Variants in SDK1 observed in about 807,000 individuals in gnomAD.
SDK1 encodes protein sidekick-1.
A neutral mutation model predicts 245.5 loss-of-function variants in SDK1; 157 were observed. The ratio of observed to expected loss-of-function variants is 0.64; its 90% CI spans 0.56 to 0.73. The LOEUF (loss-of-function observed/expected upper bound fraction) is 0.73, where lower values mean the gene tolerates loss of function less well. Ranked by LOEUF, SDK1 falls within the 30% of genes least tolerant of loss-of-function variation. The pLI is 0.00. For missense variants in SDK1, 3,583 were observed against 3,002.3 expected, an observed-to-expected ratio of 1.19 and a Z score of -4.52; for synonymous variants, 1,647 against 1,278.5, an observed-to-expected ratio of 1.29 and a Z score of -6.15.
intron 14 of SDK1, among the ~76,000 whole-genome samples, chr7:4,002,685 T>C (rs1785161506): frequency 1.3e-5 from 2 of 152,166 alleles, no homozygotes; most frequent in Non-Finnish European, 2.9e-5. Context: ...CACAAATACA[T>C]ATACACACAA....
At chr7:3,761,727 C>T (rs896292596) in intron 4 of SDK1, among the ~76,000 whole-genome samples, 2 of 151,834 alleles carry the variant, frequency 1.3e-5, no homozygotes, top group Non-Finnish European at 2.9e-5. Flanking sequence ...TATGCAAGTA[C>T]TGCAGTGACT....
intron 4 of SDK1, among the ~76,000 whole-genome samples, chr7:3,818,849 C>A (rs2115057048): frequency 6.6e-6 from 1 of 152,264 alleles, no homozygotes; most frequent in Non-Finnish European, 1.5e-5. Flanking sequence ...CCACCATGAA[C>A]ACGTTGGACA....
At chr7:4,185,383 G>A (rs1287804353) in intron 35 of SDK1, among the ~76,000 whole-genome samples, 1 of 152,184 alleles carries the variant, frequency 6.6e-6, no homozygotes, top group African/African-American at 2.4e-5. Context: ...ACTATTCATG[G>A]ATGGGCCCTG....
intron 4 of SDK1, among the ~76,000 whole-genome samples, chr7:3,813,672 C>A (rs571980474): frequency 7.2e-6 from 1 of 138,198 alleles, no homozygotes; most frequent in Admixed American, 7.3e-5. Flanking sequence ...TTCTAGATCC[C>A]CGAGGAATCG....
chr7:3,735,164 A>C (rs1228920454), intron 4 of SDK1, among the ~76,000 whole-genome samples: 1 of 152,052 alleles, frequency 6.6e-6, no homozygotes, highest in East Asian at 1.9e-4. Context: ...AAAAAAAATT[A>C]ATTGTGGTAG....
At chr7:3,740,639 A>G (rs1018424177) in intron 4 of SDK1, among the ~76,000 whole-genome samples, 1 of 152,128 alleles carries the variant, frequency 6.6e-6, no homozygotes, top group Admixed American at 6.5e-5. Flanking sequence ...TAGTTGCAAG[A>G]CTGTTGGTTT....
At chr7:3,481,113 C>T (rs1458145007) in intron 1 of SDK1, among the ~76,000 whole-genome samples, 2 of 152,048 alleles carry the variant, frequency 1.3e-5, no homozygotes, top group African/African-American at 2.4e-5. Flanking sequence ...TTATTTTTAC[C>T]ATTTTATTTT....
chr7:3,480,944 A>G (rs1781503255), intron 1 of SDK1, among the ~76,000 whole-genome samples: 2 of 152,138 alleles, frequency 1.3e-5, no homozygotes, highest in Non-Finnish European at 2.9e-5. Flanking sequence ...TTCTGTTGGT[A>G]TCCTTGTGTT....
intron 1 of SDK1, among the ~76,000 whole-genome samples, chr7:3,505,285 C>T (rs1782358297): frequency 1.3e-5 from 2 of 152,200 alleles, no homozygotes; most frequent in South Asian, 4.1e-4. Context: ...TTCACTCTGT[C>T]ACCCAGTTTA....
chr7:3,552,514 G>C (rs972848443), intron 1 of SDK1, among the ~76,000 whole-genome samples: 1 of 152,098 alleles, frequency 6.6e-6, no homozygotes, highest in Non-Finnish European at 1.5e-5. Flanking sequence ...GGCAGAATTT[G>C]CTCATATATT....
At chr7:3,737,390 T>C (rs1779346693) in intron 4 of SDK1, among the ~76,000 whole-genome samples, 1 of 152,216 alleles carries the variant, frequency 6.6e-6, no homozygotes, top group African/African-American at 2.4e-5. Context: ...TCCACTGTGT[T>C]CCATAGCTGG....
intron 5 of SDK1, among the ~76,000 whole-genome samples, chr7:3,844,882 TAATC>T (rs775988767): frequency 3.3e-5 from 5 of 152,036 alleles, no homozygotes; most frequent in Non-Finnish European, 7.4e-5. Context: ...CCTCCTGAAT[TAATC>T]AAACGACTGG....
chr7:4,075,534 A>T (rs115786120), intron 20 of SDK1, among the ~76,000 whole-genome samples: 1,823 of 152,096 alleles, frequency 0.012, 45 homozygotes, highest in African/African-American at 0.042. Flanking sequence ...TTGCCTGTGG[A>T]CCTATGAGCT....
At chr7:3,476,560 T>C (rs1203570461) in intron 1 of SDK1, among the ~76,000 whole-genome samples, 1 of 152,264 alleles carries the variant, frequency 6.6e-6, no homozygotes, top group African/African-American at 2.4e-5. Flanking sequence ...ACTTTATCAT[T>C]ATTTTGTTTC....
chr7:4,143,605 T>A (rs1426064432), intron 28 of SDK1, among the ~76,000 whole-genome samples: 1 of 152,198 alleles, frequency 6.6e-6, no homozygotes, highest in East Asian at 1.9e-4. Flanking sequence ...CAAAGGTGTG[T>A]CCTTCCTTTG....
chr7:3,438,849 ATTTTTTT>A lies in SDK1; in HGVS notation c.298+136979_298+136985del, dbSNP rs527596036. Among the ~76,000 whole-genome samples the A allele has an allele frequency of 5.9e-3, 769 of 131,134 alleles. 8 individuals are homozygous for A. Among genetic ancestry groups the A allele is most frequent in the South Asian group, 0.02 (86 of 4,236 alleles). The allele number at this position is 131,134 out of a possible 152,430, so 86.0% of individuals were successfully genotyped here. A position where few individuals can be genotyped will look rare whatever the true frequency, so the allele number is the denominator to read the frequency against. Reference sequence around the variant, plus strand: ...CTGTTTTCTTCCCCTTTGTATTAATATTTTTTTTTTTTTTTTTTTTGAGATGGAGTTT... The same window carrying A: ...CTGTTTTCTTCCCCTTTGTATTAATATTTTTTTTTTTTTGAGATGGAGTTT... On this transcript the variant is annotated intron_variant, in intron 1 of 44. Coordinates refer to ENST00000404826, the MANE Select transcript of SDK1 (RefSeq NM_152744.4).
At chr7:3,585,299 G>C (rs1046922808) in intron 1 of SDK1, among the ~76,000 whole-genome samples, 6 of 152,122 alleles carry the variant, frequency 3.9e-5, no homozygotes, top group African/African-American at 1.2e-4. Context: ...GACCAGACAA[G>C]AAATAAAATA....
At chr7:3,987,035 G>T (rs755710009) in intron 13 of SDK1, 151 bp from the exon 14 acceptor site, 12 of 716,608 alleles carry the variant, frequency 1.7e-5, no homozygotes, top group Middle Eastern at 6.0e-4. Flanking sequence ...TTTTCTGGGG[G>T]GAAGAGAGTT....
chr7:3,775,249 T>C (rs1780519315), intron 4 of SDK1, among the ~76,000 whole-genome samples: 1 of 152,182 alleles, frequency 6.6e-6, no homozygotes, highest in African/African-American at 2.4e-5. Flanking sequence ...TTCTTCACTA[T>C]TTTGGCCCTC....
Sources: allele counts gnomAD v4.1 joint callset (sites outside exome capture counted in the v4.1 genomes callset), GRCh38; gene constraint gnomAD v4.1.1; transcripts MANE v1.5; gene names NCBI Gene and HGNC (gene_info 2026-07-23, HGNC 2026-07-21).